Variants in GPR137B observed in about 807,000 individuals in gnomAD.
GPR137B encodes the protein G protein-coupled receptor 137B, also known as integral membrane protein GPR137B.
A neutral mutation model predicts 42.5 loss-of-function variants in GPR137B; 42 were observed. That is an observed-to-expected ratio of 0.99 (90% CI 0.77 to 1.28). GPR137B has a LOEUF of 1.28. Ranked by LOEUF, GPR137B falls within the 50% of genes most tolerant of loss-of-function variation. GPR137B has a pLI of 0.00. For missense variants in GPR137B, 487 were observed against 493.9 expected, an observed-to-expected ratio of 0.99 and a Z score of 0.13; for synonymous variants, 218 against 209.7, an observed-to-expected ratio of 1.04 and a Z score of -0.34.
In GPR137B at chr1:236,178,785, GTTTTTTTTTTTTT is replaced by G. The variant is rs3082534; in HGVS notation, c.687+167_687+179del. On this transcript the variant is annotated intron_variant, in intron 3 of 6. Coordinates refer to ENST00000366592, the MANE Select transcript of GPR137B (RefSeq NM_003272.4). ...GTCTCCCACACAGGGGCTACTCGAG[GTTTTTTTTTTTTT>G]TTTTTTTTTTTTTTTTTGAGACGGA... 185 of 49,522 alleles carry G rather than the reference GTTTTTTTTTTTTT, an allele frequency of 3.7e-3. 4 individuals carry two copies. The highest frequency in any genetic ancestry group is 0.029 in the Middle Eastern group (2 of 70). The allele number at this position is 49,522 out of a possible 1,614,324, so 3.1% of individuals were successfully genotyped here.
intron 2 of GPR137B, among the ~76,000 whole-genome samples, chr1:236,170,395 T>C (rs1383789761): frequency 1.3e-5 from 2 of 152,224 alleles, no homozygotes; most frequent in Non-Finnish European, 2.9e-5. Flanking sequence ...AGAAGGTTTC[T>C]CTCAAGTTCA....
chr1:236,145,951 G>C (rs1365278619), intron 1 of GPR137B, among the ~76,000 whole-genome samples: 1 of 152,100 alleles, frequency 6.6e-6, no homozygotes, highest in Non-Finnish European at 1.5e-5. Flanking sequence ...TCTGCCTCCT[G>C]GATTCAAGCG....
At position 236,171,279 on chromosome 1, in the gene GPR137B, G is replaced by T. The variant is rs10924502; in HGVS notation, c.464+2524G>T. On this transcript the variant is annotated intron_variant, in intron 2 of 6. Transcript: ENST00000366592. The surrounding 1 kb of genome is among the most constrained non-coding windows in gnomAD (Gnocchi z 4.4). ...ATTTTGAATTTTTGGGTTAGGGATG[G>T]TCAACCTGTATAAAGTACAAGTAGA... 0.15 allele frequency among the ~76,000 whole-genome samples: 23,067 copies of T among 152,078 alleles called. 4,426 individuals carry two copies. The highest frequency in any genetic ancestry group is 0.44 in the African/African-American group (18,247 of 41,412).
intron 2 of GPR137B, among the ~76,000 whole-genome samples, chr1:236,177,984 T>A (rs2102909853): frequency 6.6e-6 from 1 of 152,034 alleles, no homozygotes; most frequent in East Asian, 1.9e-4. Flanking sequence ...ATACATAAGG[T>A]AGGTATTATG....
intron 1 of GPR137B, among the ~76,000 whole-genome samples, chr1:236,148,855 C>T (rs1331391037): frequency 6.6e-6 from 1 of 152,118 alleles, no homozygotes; most frequent in African/African-American, 2.4e-5. Context: ...GGAGCAGGGT[C>T]CCTGGGTGCA....
At chr1:236,187,701 G>T (rs1027040202) in intron 5 of GPR137B, among the ~76,000 whole-genome samples, 17 of 149,840 alleles carry the variant, frequency 1.1e-4, no homozygotes, top group Non-Finnish European at 2.4e-4. Flanking sequence ...ATCTGTTTTG[G>T]TACCAGTACC....
intron 6 of GPR137B, among the ~76,000 whole-genome samples, chr1:236,206,474 T>TA (rs1228157346): frequency 3.3e-5 from 5 of 152,344 alleles, no homozygotes; most frequent in South Asian, 2.1e-4. Flanking sequence ...TCCTTGAATC[T>TA]ACATGCGGAT....
intron 2 of GPR137B, among the ~76,000 whole-genome samples, chr1:236,176,440 A>G (rs921220673): frequency 6.6e-6 from 1 of 151,926 alleles, no homozygotes; most frequent in African/African-American, 2.4e-5. Flanking sequence ...TCCCTCCTCC[A>G]GGGCACACAC....
At chr1:236,176,863 G>A (rs1463428399) in intron 2 of GPR137B, among the ~76,000 whole-genome samples, 7 of 152,104 alleles carry the variant, frequency 4.6e-5, no homozygotes, top group African/African-American at 1.4e-4. Context: ...CTAGGGAGAC[G>A]CAGGCATTGA....
At chr1:236,174,669 A>G (rs189387722) in intron 2 of GPR137B, among the ~76,000 whole-genome samples, 1 of 152,152 alleles carries the variant, frequency 6.6e-6, no homozygotes, top group Non-Finnish European at 1.5e-5. Flanking sequence ...AAATAGGAAC[A>G]CTTAGAGGCG....
chr1:236,206,418 C>T (rs1005245127), intron 6 of GPR137B, among the ~76,000 whole-genome samples: 8 of 152,254 alleles, frequency 5.3e-5, no homozygotes, highest in East Asian at 1.9e-4. Context: ...GTCTCACCTA[C>T]GCTTATGTTA....
chr1:236,174,851 A>G (rs1662638937), intron 2 of GPR137B, among the ~76,000 whole-genome samples: 1 of 152,092 alleles, frequency 6.6e-6, no homozygotes, highest in African/African-American at 2.4e-5. Flanking sequence ...CAACTCAGAA[A>G]AAAAGGACAT....
rs540071754 is a variant in GPR137B, at chr1:236,176,972, CTG to C, written c.465-1438_465-1437del. 3.0e-3 allele frequency among the ~76,000 whole-genome samples: 455 copies of C among 152,130 alleles called. 1 individual carries two copies. The highest frequency in any genetic ancestry group is 0.01 in the African/African-American group (426 of 41,496). ...GCAGATGTCAGAGAAACCTGACTGC[CTG>C]TGTACCCATGGTGTGTGTGCGTGTG... On this transcript the variant is annotated intron_variant, in intron 2 of 6. Transcript: ENST00000366592.
rs376462063 is a variant in GPR137B, at chr1:236,143,116, GC to G, written c.414+82del. ...GGCGCCCGAGGCAGGGGCGATGGCAGCCGCGGGGGCGGGTCCGGCCCTAGGG... is the reference window on the plus strand; with the variant it reads ...GGCGCCCGAGGCAGGGGCGATGGCAGCGCGGGGGCGGGTCCGGCCCTAGGG... On this transcript the variant is annotated intron_variant, in intron 1 of 6. Coordinates refer to ENST00000366592, the MANE Select transcript of GPR137B (RefSeq NM_003272.4). 1.6e-3 allele frequency: 2,021 copies of G among 1,262,272 alleles called. 35 individuals carry two copies. In the African/African-American group the frequency reaches 0.026, roughly 17 times the overall value. 78.2% of individuals were successfully genotyped at this position (1,262,272 alleles called of 1,614,324 possible). A position where few individuals can be genotyped will look rare whatever the true frequency, so the allele number is the denominator to read the frequency against.
chr1:236,200,917 T>G (rs972351669), intron 5 of GPR137B, among the ~76,000 whole-genome samples: 4 of 151,594 alleles, frequency 2.6e-5, no homozygotes, highest in African/African-American at 9.7e-5. Flanking sequence ...TTTTCATTGT[T>G]TTATAGGCCT....
At chr1:236,205,810 G>A (rs541573904) in intron 6 of GPR137B, among the ~76,000 whole-genome samples, 1 of 152,284 alleles carries the variant, frequency 6.6e-6, no homozygotes, top group African/African-American at 2.4e-5. Context: ...AAAGTGCTGG[G>A]ATTACAGGCG....
At chr1:236,193,241 A>G (rs1334875680) in intron 5 of GPR137B, among the ~76,000 whole-genome samples, 1 of 152,164 alleles carries the variant, frequency 6.6e-6, no homozygotes, top group African/African-American at 2.4e-5. Flanking sequence ...TGAAATGATA[A>G]AAAGGACACA....
intron 5 of GPR137B, among the ~76,000 whole-genome samples, chr1:236,190,659 C>T (rs985811517): frequency 1.5e-4 from 21 of 139,264 alleles, no homozygotes; most frequent in Admixed American, 8.2e-4. Context: ...GAATATTGGC[C>T]CCCACTCTCT....
intron 1 of GPR137B, among the ~76,000 whole-genome samples, chr1:236,165,854 C>A (rs1459173938): frequency 2.0e-5 from 3 of 152,136 alleles, no homozygotes; most frequent in Non-Finnish European, 2.9e-5. Context: ...ATATTTCTTA[C>A]CAATTTCCAG....
Sources: allele counts gnomAD v4.1 joint callset (sites outside exome capture counted in the v4.1 genomes callset), GRCh38; gene constraint gnomAD v4.1.1; non-coding constraint Gnocchi (gnomAD v3.1); transcripts MANE v1.5; gene names NCBI Gene and HGNC (gene_info 2026-07-23, HGNC 2026-07-21).